Variants in PRMT3 observed in about 807,000 individuals in gnomAD.
PRMT3 encodes the protein protein arginine N-methyltransferase 3.
In PRMT3, 62 loss-of-function variants were observed where a neutral mutation model predicts 71.9. That is an observed-to-expected ratio of 0.86 (90% CI 0.70 to 1.07). PRMT3 has a LOEUF of 1.07. PRMT3 is among the 50% of genes least tolerant of loss of function. The pLI, the probability that PRMT3 is intolerant of heterozygous loss-of-function variation, is 0.00. For synonymous variants in PRMT3, 213 were observed against 220.4 expected, an observed-to-expected ratio of 0.97 and a Z score of 0.30; for missense variants, 663 against 643.0, an observed-to-expected ratio of 1.03 and a Z score of -0.34.
chr11:20,449,394 A>G (rs1343875797), intron 10 of PRMT3, among the ~76,000 whole-genome samples: 1 of 152,108 alleles, frequency 6.6e-6, no homozygotes, highest in Non-Finnish European at 1.5e-5. Context: ...TGAATCCTTA[A>G]CAAATGTAGT....
At chr11:20,473,510 GTTGTTCAATTTC>G (rs1850702969) in intron 13 of PRMT3, among the ~76,000 whole-genome samples, 1 of 152,130 alleles carries the variant, frequency 6.6e-6, no homozygotes, top group Non-Finnish European at 1.5e-5. Context: ...TTAAGGAGCA[GTTGTTCAATTTC>G]CATGTAGTTG....
At chr11:20,498,235 T>C (rs1333748736) in intron 15 of PRMT3, among the ~76,000 whole-genome samples, 1 of 152,040 alleles carries the variant, frequency 6.6e-6, no homozygotes, top group Non-Finnish European at 1.5e-5. Context: ...GAGGGAGGAA[T>C]AGGGTAAGGT....
chr11:20,469,105 G>T (rs879643419), intron 13 of PRMT3, among the ~76,000 whole-genome samples: 2 of 152,120 alleles, frequency 1.3e-5, no homozygotes, highest in African/African-American at 2.4e-5. Flanking sequence ...TGACAGTTTA[G>T]ATAAAATTGT....
chr11:20,452,335 C>A, intron 11 of PRMT3, 127 bp downstream of exon 11: 1 of 692,320 alleles, frequency 1.4e-6, no homozygotes, highest in Non-Finnish European at 2.4e-6. Context: ...GTTTGCATTA[C>A]AAGAAGCTTT....
At chr11:20,409,549 T>G (rs540158814) in intron 9 of PRMT3, among the ~76,000 whole-genome samples, 1 of 152,102 alleles carries the variant, frequency 6.6e-6, no homozygotes, top group Non-Finnish European at 1.5e-5. Flanking sequence ...CTATGGTTAT[T>G]ATTAACAAAT....
At chr11:20,424,977 A>C (rs1430522483) in intron 9 of PRMT3, among the ~76,000 whole-genome samples, 7 of 152,034 alleles carry the variant, frequency 4.6e-5, no homozygotes, top group Non-Finnish European at 1.0e-4. Flanking sequence ...GGTGTCACGC[A>C]CCTGTAGTCC....
intron 13 of PRMT3, among the ~76,000 whole-genome samples, chr11:20,465,111 C>G (rs1193485837): frequency 6.6e-6 from 1 of 152,060 alleles, no homozygotes; most frequent in African/African-American, 2.4e-5. Flanking sequence ...TCAGACTATT[C>G]AGTTGCTTTA....
At chr11:20,411,262 C>A (rs6416026) in intron 9 of PRMT3, among the ~76,000 whole-genome samples, 1 of 151,928 alleles carries the variant, frequency 6.6e-6, no homozygotes, top group Admixed American at 6.6e-5. Context: ...TAATCATTGA[C>A]TCAAAATACT....
At chr11:20,454,069 G>A (rs1850214379) in intron 11 of PRMT3, among the ~76,000 whole-genome samples, 1 of 152,194 alleles carries the variant, frequency 6.6e-6, no homozygotes, top group African/African-American at 2.4e-5. Flanking sequence ...CTTCATTTAT[G>A]TTACTAGACA....
chr11:20,414,975 G>A (rs973560948), intron 9 of PRMT3, among the ~76,000 whole-genome samples: 3 of 151,196 alleles, frequency 2.0e-5, no homozygotes, highest in Non-Finnish European at 4.4e-5. Flanking sequence ...TAAAAGTGAA[G>A]TATCTTAAGG....
chr11:20,410,360 C>T (rs1345135327), intron 9 of PRMT3, among the ~76,000 whole-genome samples: 6 of 151,866 alleles, frequency 4.0e-5, no homozygotes, highest in Admixed American at 2.6e-4. Context: ...CTAAACACTT[C>T]GTGATATATT....
intron 10 of PRMT3, among the ~76,000 whole-genome samples, chr11:20,439,576 T>G (rs1849839737): frequency 6.6e-6 from 1 of 152,228 alleles, no homozygotes; most frequent in Admixed American, 6.5e-5. Context: ...AGCCACCAAT[T>G]TTAATGTACA....
chr11:20,476,809 A>ATTTATAATCATTCTTT (rs1395025694), intron 13 of PRMT3, among the ~76,000 whole-genome samples: 1 of 151,842 alleles, frequency 6.6e-6, no homozygotes, highest in East Asian at 1.9e-4. Context: ...ATTCCTTGAC[A>ATTTATAATCATTCTTT]TTTATAATCA....
intron 10 of PRMT3, among the ~76,000 whole-genome samples, chr11:20,451,636 T>C (rs530585274): frequency 1.0e-3 from 157 of 152,276 alleles, no homozygotes; most frequent in Non-Finnish European, 1.9e-3. Context: ...GTCCTGTGCA[T>C]TGAAGGATGT....
intron 13 of PRMT3, among the ~76,000 whole-genome samples, chr11:20,467,657 G>A (rs79450244): frequency 0.012 from 1,860 of 152,290 alleles, 15 homozygotes; most frequent in South Asian, 0.02. Flanking sequence ...TTCATGTGAT[G>A]AAATCAGTAC....
At chr11:20,483,379 G>A (rs1850991065) in intron 13 of PRMT3, among the ~76,000 whole-genome samples, 1 of 151,856 alleles carries the variant, frequency 6.6e-6, no homozygotes, top group African/African-American at 2.4e-5. Context: ...TGGAACATAG[G>A]GCTTTTGCAT....
chr11:20,421,292 C>A (rs1849420137), intron 9 of PRMT3, among the ~76,000 whole-genome samples: 1 of 152,146 alleles, frequency 6.6e-6, no homozygotes, highest in South Asian at 2.1e-4. Context: ...CCCGTCTTGG[C>A]CTCTCAAGAT....
chr11:20,425,573 A>G (rs897769633), intron 9 of PRMT3, among the ~76,000 whole-genome samples: 3 of 152,200 alleles, frequency 2.0e-5, no homozygotes, highest in Non-Finnish European at 4.4e-5. Flanking sequence ...GTAGCAAGGA[A>G]CAAACAAACT....
At chr11:20,468,012 T>C (rs1189410878) in intron 13 of PRMT3, among the ~76,000 whole-genome samples, 1 of 152,206 alleles carries the variant, frequency 6.6e-6, no homozygotes, top group East Asian at 1.9e-4. Flanking sequence ...CCAGTTTATG[T>C]GGGAATAATC....
Sources: gnomAD v4.1 joint callset for allele counts (sites outside exome capture counted in the v4.1 genomes callset) on GRCh38, gnomAD v4.1.1 for gene constraint, MANE v1.5 for transcripts, NCBI Gene and HGNC (gene_info 2026-07-23, HGNC 2026-07-21) for gene names.